Variants in SGCZ observed in about 807,000 individuals in gnomAD.
The protein encoded by SGCZ is zeta-sarcoglycan.
SGCZ carries 40 observed loss-of-function variants against 41.3 expected under a neutral mutation model. The observed-to-expected ratio is 0.97, with a 90% confidence interval of 0.75 to 1.26. SGCZ has a LOEUF of 1.26. Among genes scored for constraint, SGCZ ranks in the 50% most tolerant of loss-of-function variants. The probability of loss-of-function intolerance (pLI) is 0.00; values close to 1 mark genes in which losing one functional copy is unlikely to be tolerated. For synonymous variants in SGCZ, 206 were observed against 137.5 expected, an observed-to-expected ratio of 1.50 and a Z score of -3.49; for missense variants, 552 against 369.8, an observed-to-expected ratio of 1.49 and a Z score of -4.04.
chr8:14,187,048 G>GTTT (rs1804930422), intron 4 of SGCZ, among the ~76,000 whole-genome samples: 2 of 152,170 alleles, frequency 1.3e-5, no homozygotes, highest in African/African-American at 4.8e-5. Context: ...TCTGGGTCAG[G>GTTT]GAAAGAGAAG....
At chr8:14,271,815 G>A in intron 3 of SGCZ, among the ~76,000 whole-genome samples, 1 of 152,072 alleles carries the variant, frequency 6.6e-6, no homozygotes, top group East Asian at 1.9e-4. Context: ...TTGCTTTGTA[G>A]AAACAACTGA....
At chr8:14,801,812 T>G (rs1801330014) in intron 1 of SGCZ, among the ~76,000 whole-genome samples, 1 of 147,038 alleles carries the variant, frequency 6.8e-6, no homozygotes, top group African/African-American at 2.4e-5. Context: ...CACCAAATTT[T>G]TATGTGCTTT....
intron 1 of SGCZ, among the ~76,000 whole-genome samples, chr8:15,210,469 TAAAGTC>T (rs1162835030): frequency 7.4e-6 from 1 of 134,280 alleles, no homozygotes; most frequent in African/African-American, 2.7e-5. Context: ...ACAACTTCCT[TAAAGTC>T]ACAGTCTGTT....
chr8:14,330,502 C>T (rs1009279602), intron 2 of SGCZ, among the ~76,000 whole-genome samples: 1 of 151,328 alleles, frequency 6.6e-6, no homozygotes, highest in Non-Finnish European at 1.5e-5. Flanking sequence ...TATAAGAGAC[C>T]GAATGAAAAA....
At chr8:15,080,315 G>A (rs1045152373) in intron 1 of SGCZ, among the ~76,000 whole-genome samples, 7 of 151,866 alleles carry the variant, frequency 4.6e-5, no homozygotes, top group Admixed American at 2.0e-4. Context: ...CTGCCTCACC[G>A]AAGGACTCTG....
chr8:15,079,330 T>C (rs576238639), intron 1 of SGCZ, among the ~76,000 whole-genome samples: 2 of 152,240 alleles, frequency 1.3e-5, no homozygotes, highest in South Asian at 4.1e-4. Context: ...GTTGTCTTTA[T>C]ATCTGACAGT....
At chr8:14,231,326 C>T (rs1438598396) in intron 4 of SGCZ, among the ~76,000 whole-genome samples, 2 of 151,790 alleles carry the variant, frequency 1.3e-5, no homozygotes, top group East Asian at 3.9e-4. Context: ...CAGAGGGGCA[C>T]TGGCCCAGTT....
chr8:15,221,979 C>T (rs1175232774), intron 1 of SGCZ, among the ~76,000 whole-genome samples: 1 of 152,168 alleles, frequency 6.6e-6, no homozygotes, highest in Non-Finnish European at 1.5e-5. Context: ...TGTGTCCTAG[C>T]ACTTACATTT....
chr8:14,421,089 TC>T (rs1319862238), intron 2 of SGCZ, among the ~76,000 whole-genome samples: 6 of 152,236 alleles, frequency 3.9e-5, no homozygotes, highest in Admixed American at 3.9e-4. Flanking sequence ...TTCCATTCTT[TC>T]CCCATCAAGT....
chr8:14,248,615 G>C (rs1238734891), intron 3 of SGCZ, among the ~76,000 whole-genome samples: 1 of 152,018 alleles, frequency 6.6e-6, no homozygotes, highest in Admixed American at 6.6e-5. Context: ...AAATAAGTTG[G>C]ATATGTTTTC....
At chr8:15,219,449 G>C (rs73537903) in intron 1 of SGCZ, among the ~76,000 whole-genome samples, 3 of 152,006 alleles carry the variant, frequency 2.0e-5, no homozygotes, top group African/African-American at 7.3e-5. Context: ...CCTATTATTC[G>C]TTGGTCAAAA....
chr8:14,770,048 G>C (rs1289443045), intron 1 of SGCZ, among the ~76,000 whole-genome samples: 3 of 150,904 alleles, frequency 2.0e-5, no homozygotes, highest in African/African-American at 7.3e-5. Context: ...GCACCAATTT[G>C]TTTTTTCATT....
intron 4 of SGCZ, among the ~76,000 whole-genome samples, chr8:14,209,896 T>G (rs1805743776): frequency 2.0e-5 from 3 of 152,232 alleles, no homozygotes; most frequent in East Asian, 1.9e-4. Flanking sequence ...TCATTTTATC[T>G]TATGAATTAG....
At chr8:14,913,461 A>C (rs1321120602) in intron 1 of SGCZ, among the ~76,000 whole-genome samples, 1 of 152,044 alleles carries the variant, frequency 6.6e-6, no homozygotes, top group Non-Finnish European at 1.5e-5. Flanking sequence ...GTTTGTACCA[A>C]ATATAGCAAT....
At chr8:15,024,733 G>A (rs1354275423) in intron 1 of SGCZ, among the ~76,000 whole-genome samples, 1 of 151,926 alleles carries the variant, frequency 6.6e-6, no homozygotes, top group African/African-American at 2.4e-5. Flanking sequence ...TCAGGAGATC[G>A]AGACTGTCCT....
intron 1 of SGCZ, among the ~76,000 whole-genome samples, chr8:15,016,594 C>A (rs1484316883): frequency 6.6e-6 from 1 of 152,164 alleles, no homozygotes; most frequent in East Asian, 1.9e-4. Flanking sequence ...TCTCTGGGCT[C>A]TATACTAGGT....
Position 14,708,812 on chromosome 8 carries a change from AGTGTGTGT to A in SGCZ, c.40-153894_40-153887del, listed in dbSNP as rs61049816. Among the ~76,000 whole-genome samples the A allele has an allele frequency of 6.7e-5, 10 of 148,694 alleles. No homozygotes were observed. In the South Asian group the frequency reaches 1.1e-3, roughly 16 times the overall value. On this transcript the variant is annotated intron_variant, in intron 1 of 7. Transcript: ENST00000382080. ...CACACTTGGAATGATGTTTTATTCG[AGTGTGTGT>A]GTGTGTGTGTGTGTGTGTGTATTCA... is the stretch of plus-strand genomic sequence containing the variant.
rs74368820 is a variant in SGCZ, at chr8:14,143,181, C to T, written c.547+21399G>A. Among the ~76,000 whole-genome samples the T allele has an allele frequency of 6.2e-3, 949 of 152,064 alleles. 3 individuals carry two copies. The highest frequency in any genetic ancestry group is 0.031 in the Middle Eastern group (9 of 294). On this transcript the variant is annotated intron_variant, in intron 5 of 7. Transcript: ENST00000382080. Reference sequence around the variant, plus strand: ...AGACCTTTCTCTATTTGACAAAGAACGTATTTTTAAAAACCTATAGCAAAC... The same window carrying T: ...AGACCTTTCTCTATTTGACAAAGAATGTATTTTTAAAAACCTATAGCAAAC...
At chr8:14,712,550 T>A (rs1364774794) in intron 1 of SGCZ, among the ~76,000 whole-genome samples, 1 of 152,068 alleles carries the variant, frequency 6.6e-6, no homozygotes, top group Non-Finnish European at 1.5e-5. Flanking sequence ...GCAAAGTAAT[T>A]CTTTTGGGGG....
Sources: gnomAD v4.1 joint callset for allele counts (sites outside exome capture counted in the v4.1 genomes callset) on GRCh38, gnomAD v4.1.1 for gene constraint, MANE v1.5 for transcripts, NCBI Gene and HGNC (gene_info 2026-07-23, HGNC 2026-07-21) for gene names.